Variants in DLC1 observed in about 807,000 individuals in gnomAD.
The protein encoded by DLC1 is DLC1 Rho GTPase activating protein, also known as rho GTPase-activating protein 7.
DLC1 carries 54 observed loss-of-function variants against 140.3 expected under a neutral mutation model. That is an observed-to-expected ratio of 0.38 (90% CI 0.31 to 0.48). DLC1 has a LOEUF of 0.48. Ranked by LOEUF, DLC1 falls within the 20% of genes least tolerant of loss-of-function variation. DLC1 has a pLI of 0.96. For missense variants in DLC1, 2,536 were observed against 1,907.0 expected, an observed-to-expected ratio of 1.33 and a Z score of -6.14; for synonymous variants, 986 against 728.1, an observed-to-expected ratio of 1.35 and a Z score of -5.70.
chr8:13,554,392 T>C (rs185413423), intron 1 of DLC1, among the ~76,000 whole-genome samples: 73 of 152,230 alleles, frequency 4.8e-4, no homozygotes, highest in African/African-American at 1.4e-3. Context: ...CAAACTCCTA[T>C]AGTGCCTTCT....
chr8:13,232,589 C>T (rs955362173), intron 5 of DLC1, among the ~76,000 whole-genome samples: 1 of 152,170 alleles, frequency 6.6e-6, no homozygotes, highest in Non-Finnish European at 1.5e-5. Flanking sequence ...CCTCGGCCTC[C>T]CAAAGTGCTG....
In DLC1 at chr8:13,566,951, C is replaced by T. The variant is rs1481997852; in HGVS notation, c.-126+37586G>A. 1.2e-5 allele frequency: 18 copies of T among 1,499,684 alleles called. No individual in the cohort carries two copies. In the Admixed American group the frequency reaches 4.0e-4, roughly 34 times the overall value. 92.9% of individuals were successfully genotyped at this position (1,499,684 alleles called of 1,614,324 possible). A position where few individuals can be genotyped will look rare whatever the true frequency, so the allele number is the denominator to read the frequency against. The stretch of plus-strand genomic sequence containing the variant: ...TGACGGGTTCCTGAGCCAGTCTTAA[C>T]CTGGGCAAAGGAGATGAGGAGCCGA... On this transcript the variant is annotated intron_variant, in intron 1 of 1. Transcript: ENST00000631382.
chr8:13,403,629 C>T (rs1837392119), intron 2 of DLC1, among the ~76,000 whole-genome samples: 1 of 151,752 alleles, frequency 6.6e-6, no homozygotes. Context: ...CTTTCTTTCT[C>T]CCTTCCTTCC....
Position 13,088,698 on chromosome 8 carries a change from C to A in DLC1, c.4081G>T (p.Glu1361Ter), listed in dbSNP as rs767802518. ...QAELSYKKVS[E>*]GPPLRLWRSV... ...CTCCAAAGCCTCAGAGGGGGTCCTT[C>A]GCTCACCTGGAAAGAGGATGTATTT... Residue 1361 changes from glutamate to a stop codon, truncating the protein, a stop_gained, in exon 16 of 18, where the codon GAA becomes TAA. Transcript: ENST00000276297. LOFTEE classifies it high-confidence loss of function. 1 of 1,613,882 alleles carries A rather than the reference C, an allele frequency of 6.2e-7. No homozygotes were observed. Among genetic ancestry groups the A allele is most frequent in the Non-Finnish European group, 8.5e-7 (1 of 1,179,980 alleles).
At chr8:13,570,581 T>C (rs879108059) in intron 1 of DLC1, among the ~76,000 whole-genome samples, 1 of 149,304 alleles carries the variant, frequency 6.7e-6, no homozygotes. Flanking sequence ...TTACTGAGAA[T>C]GATGGTTTCC....
chr8:13,531,240 C>T (rs747979221), intron 1 of DLC1, among the ~76,000 whole-genome samples: 7 of 152,194 alleles, frequency 4.6e-5, no homozygotes, highest in Non-Finnish European at 1.0e-4. Context: ...TTTGCTATAG[C>T]AGCCTGAACA....
At chr8:13,261,717 G>C (rs1489310287) in intron 5 of DLC1, among the ~76,000 whole-genome samples, 1 of 152,090 alleles carries the variant, frequency 6.6e-6, no homozygotes, top group African/African-American at 2.4e-5. Flanking sequence ...AAGAAATGTA[G>C]GGTATGAAAG....
At chr8:13,178,797 G>T (rs745503879) in intron 5 of DLC1, among the ~76,000 whole-genome samples, 1 of 152,090 alleles carries the variant, frequency 6.6e-6, no homozygotes, top group Non-Finnish European at 1.5e-5. Flanking sequence ...AACACCAAGA[G>T]TTGGATGTGG....
intron 2 of DLC1, among the ~76,000 whole-genome samples, chr8:13,409,014 A>ATCC (rs900077494): frequency 5.4e-5 from 8 of 148,892 alleles, no homozygotes; most frequent in Admixed American, 4.0e-4. Flanking sequence ...TGTACCCCTT[A>ATCC]TTTTTTTTTT....
chr8:13,142,935 G>C (rs1489448273), intron 5 of DLC1, among the ~76,000 whole-genome samples: 1 of 151,916 alleles, frequency 6.6e-6, no homozygotes, highest in Non-Finnish European at 1.5e-5. Context: ...TGTAATCCCA[G>C]CTACTTTGGA....
intron 5 of DLC1, among the ~76,000 whole-genome samples, chr8:13,287,322 A>G (rs1331326825): frequency 6.6e-6 from 1 of 152,216 alleles, no homozygotes; most frequent in East Asian, 1.9e-4. Flanking sequence ...TCTTAATTTT[A>G]TGTTTGTTGA....
chr8:13,557,815 G>A (rs1225749860), intron 1 of DLC1: 1 of 152,156 alleles, frequency 6.6e-6, no homozygotes, highest in African/African-American at 2.4e-5. Flanking sequence ...AATAATAGGT[G>A]TGTTAGATCC....
intron 5 of DLC1, among the ~76,000 whole-genome samples, chr8:13,283,687 T>A (rs1831445923): frequency 6.6e-6 from 1 of 152,098 alleles, no homozygotes; most frequent in Admixed American, 6.5e-5. Flanking sequence ...GCTTATTTTT[T>A]AATGTTTTGT....
rs73205748 is a variant in DLC1 at position 13,386,042 on chromosome 8, T to C, written c.1314+7511A>G. On this transcript the variant is annotated intron_variant, in intron 4 of 17. Coordinates refer to ENST00000276297, the MANE Select transcript of DLC1 (RefSeq NM_182643.3). ...TGTGGCATGCTGTTGGCTTGCCATTTTTTATTGCCCAGAAGTAACTGGCAG... is the reference window on the plus strand; with the variant it reads ...TGTGGCATGCTGTTGGCTTGCCATTCTTTATTGCCCAGAAGTAACTGGCAG... Among the ~76,000 whole-genome samples, 318 of 152,302 alleles carry C rather than the reference T, an allele frequency of 2.1e-3. 1 individual carries two copies. Among genetic ancestry groups the C allele is most frequent in the Middle Eastern group, 0.014 (4 of 294 alleles).
Position 13,095,187 on chromosome 8 carries a change from A to C in DLC1, c.3226T>G (p.Phe1076Val). ...KVPDYKDRSV[F>V]GVPLTVNVQR... The stretch of plus-strand genomic sequence containing the variant: ...ACGTTGACCGTCAGTGGGACCCCAA[A>C]CACACTCCGGTCCTTGTAGTCTGGA... The change falls in exon 11 of 18, where the codon TTT (phenylalanine) becomes GTT (valine). Residue 1076 changes from phenylalanine (F) to valine (V), a missense_variant. Phe to Val is a conservative substitution (Grantham distance 50, BLOSUM62 -1). Coordinates refer to ENST00000276297, the MANE Select transcript of DLC1 (RefSeq NM_182643.3). 1 of 1,614,198 alleles carries C rather than the reference A, an allele frequency of 6.2e-7. No homozygotes were observed. The highest frequency in any genetic ancestry group is 8.5e-7 in the Non-Finnish European group (1 of 1,180,034).
intron 2 of DLC1, among the ~76,000 whole-genome samples, chr8:13,434,485 T>G (rs895792465): frequency 6.6e-6 from 1 of 152,096 alleles, no homozygotes; most frequent in Non-Finnish European, 1.5e-5. Flanking sequence ...TGTGTGTGTG[T>G]GTGTTCATGC....
intron 5 of DLC1, among the ~76,000 whole-genome samples, chr8:13,155,264 T>A (rs1824167230): frequency 6.6e-6 from 1 of 152,084 alleles, no homozygotes; most frequent in African/African-American, 2.4e-5. Context: ...GATGGTCATT[T>A]ATAATGTATC....
chr8:13,186,906 G>A (rs1165284456), intron 5 of DLC1, among the ~76,000 whole-genome samples: 1 of 152,148 alleles, frequency 6.6e-6, no homozygotes, highest in East Asian at 1.9e-4. Context: ...TAATAGTCAG[G>A]TCCCTCAGCT....
At chr8:13,243,121 C>G (rs1308546928) in intron 5 of DLC1, among the ~76,000 whole-genome samples, 1 of 149,330 alleles carries the variant, frequency 6.7e-6, no homozygotes, top group Non-Finnish European at 1.5e-5. Flanking sequence ...AAAAACCCAT[C>G]TCTACTAAAA....
Sources: allele counts gnomAD v4.1 joint callset (sites outside exome capture counted in the v4.1 genomes callset), GRCh38; gene constraint gnomAD v4.1.1; transcripts MANE v1.5; gene names NCBI Gene and HGNC (gene_info 2026-07-23, HGNC 2026-07-21).